The following NRG1 variants were observed in gnomAD, a reference collection of about 807,000 sequenced individuals.
The protein encoded by NRG1 is pro-neuregulin-1, membrane-bound isoform.
A neutral mutation model predicts 63.8 loss-of-function variants in NRG1; 18 were observed. That is an observed-to-expected ratio of 0.28 (90% CI 0.19 to 0.42). NRG1 has a LOEUF of 0.42. Among genes scored for constraint, NRG1 ranks in the 10% least tolerant of loss-of-function variants. NRG1 has a pLI of 1.00. For missense variants in NRG1, 762 were observed against 814.7 expected (o/e 0.94, Z 0.79); for synonymous variants, 302 against 301.3 (o/e 1.00, Z -0.02).
intron 1 of NRG1, among the ~76,000 whole-genome samples, chr8:32,041,245 T>TA (rs966115991): frequency 1.4e-4 from 22 of 152,150 alleles, no homozygotes; most frequent in African/African-American, 4.3e-4. Context: ...AAAGACAACT[T>TA]ACACACAACA....
At chr8:31,721,885 A>G (rs1386276716) in intron 1 of NRG1, among the ~76,000 whole-genome samples, 1 of 152,088 alleles carries the variant, frequency 6.6e-6, no homozygotes, top group African/African-American at 2.4e-5. Flanking sequence ...TCCTTGTTGT[A>G]TCATAATCCC....
chr8:31,967,585 G>T (rs1236802421), intron 1 of NRG1, among the ~76,000 whole-genome samples: 1 of 152,198 alleles, frequency 6.6e-6, no homozygotes, highest in Non-Finnish European at 1.5e-5. Context: ...ATTTGTTAAG[G>T]CTTAGCATGC....
chr8:32,310,100 C>T (rs894251678), intron 1 of NRG1, among the ~76,000 whole-genome samples: 1 of 152,158 alleles, frequency 6.6e-6, no homozygotes, highest in African/African-American at 2.4e-5. Context: ...CTATGAATCA[C>T]CATTTTCATG....
intron 1 of NRG1, among the ~76,000 whole-genome samples, chr8:32,517,347 A>C (rs1829926809): frequency 6.6e-6 from 1 of 152,136 alleles, no homozygotes; most frequent in Non-Finnish European, 1.5e-5. Context: ...TTTGTAATAA[A>C]GATTAGATTC....
intron 1 of NRG1, among the ~76,000 whole-genome samples, chr8:31,834,382 G>T (rs1303011360): frequency 2.0e-5 from 3 of 152,032 alleles, no homozygotes; most frequent in African/African-American, 7.2e-5. Context: ...CATAAAATCA[G>T]CCCTCTGGTC....
chr8:31,960,720 C>T (rs376416598), intron 1 of NRG1, among the ~76,000 whole-genome samples: 1 of 152,324 alleles, frequency 6.6e-6, no homozygotes, highest in Middle Eastern at 3.4e-3. Context: ...AGAATTGAAA[C>T]CTTTCCAGTA....
chr8:31,985,228 ATAGG>A (rs919511673), intron 1 of NRG1, among the ~76,000 whole-genome samples: 7 of 152,108 alleles, frequency 4.6e-5, no homozygotes, highest in African/African-American at 1.7e-4. Context: ...GGAGAGGTTA[ATAGG>A]TAGGGGAAAT....
At chr8:32,559,262 A>AAAAAAAAAAAAAAAAAAAAAAC (rs1835881567) in intron 1 of NRG1, among the ~76,000 whole-genome samples, 1 of 150,880 alleles carries the variant, frequency 6.6e-6, no homozygotes, top group Non-Finnish European at 1.5e-5. Flanking sequence ...AAAAAAAAAA[A>AAAAAAAAAAAAAAAAAAAAAAC]ATCACTACTC....
intron 3 of NRG1, among the ~76,000 whole-genome samples, chr8:32,606,830 C>T (rs16879616): frequency 0.03 from 4,558 of 152,058 alleles, 123 homozygotes; most frequent in African/African-American, 0.076. Context: ...TCAGCACAGG[C>T]AGAGTTAAAG....
intron 1 of NRG1, among the ~76,000 whole-genome samples, chr8:32,517,454 C>T (rs1469196240): frequency 6.6e-6 from 1 of 152,096 alleles, no homozygotes; most frequent in Non-Finnish European, 1.5e-5. Flanking sequence ...TTAGGTATCA[C>T]ATTTGAGAGG....
At chr8:32,536,901 C>T (rs1319556436) in intron 1 of NRG1, among the ~76,000 whole-genome samples, 5 of 101,134 alleles carry the variant, frequency 4.9e-5, no homozygotes, top group African/African-American at 1.6e-4. Context: ...CCAGCCTGGG[C>T]GATGGAGCAA....
chr8:32,526,664 G>T (rs970876378), intron 1 of NRG1, among the ~76,000 whole-genome samples: 11 of 152,098 alleles, frequency 7.2e-5, no homozygotes, highest in African/African-American at 2.7e-4. Flanking sequence ...TCCTGTCAAG[G>T]TCAAGTAGTG....
At chr8:32,581,277 G>A (rs1840580099) in intron 1 of NRG1, among the ~76,000 whole-genome samples, 1 of 152,180 alleles carries the variant, frequency 6.6e-6, no homozygotes, top group Non-Finnish European at 1.5e-5. Context: ...CTAGATACTA[G>A]CTGCATGCCA....
chr8:32,075,969 G>A (rs967769945), intron 1 of NRG1, among the ~76,000 whole-genome samples: 7 of 152,148 alleles, frequency 4.6e-5, no homozygotes, highest in East Asian at 3.9e-4. Flanking sequence ...CACCGCGCTC[G>A]GCCACATGTT....
intron 1 of NRG1, among the ~76,000 whole-genome samples, chr8:32,590,250 G>C (rs991651108): frequency 6.6e-6 from 1 of 152,158 alleles, no homozygotes; most frequent in Non-Finnish European, 1.5e-5. Context: ...TAAGGATGTG[G>C]ATATGTTTAT....
intron 1 of NRG1, among the ~76,000 whole-genome samples, chr8:31,942,457 C>G (rs1801894049): frequency 6.6e-6 from 1 of 151,930 alleles, no homozygotes; most frequent in African/African-American, 2.4e-5. Context: ...TCAGAAAAAC[C>G]CTTCTAGACA....
At chr8:32,509,935 C>T (rs1019443415) in intron 1 of NRG1, among the ~76,000 whole-genome samples, 9 of 152,034 alleles carry the variant, frequency 5.9e-5, no homozygotes, top group Non-Finnish European at 1.2e-4. Context: ...ACAATTATTG[C>T]TACAGGGAAG....
chr8:32,770,430 T>C (rs887029918), downstream of NRG1, among the ~76,000 whole-genome samples: 28 of 152,160 alleles, frequency 1.8e-4, no homozygotes, highest in African/African-American at 6.5e-4. Flanking sequence ...TTCTATTGCG[T>C]TCTTCCCCTT....
At chr8:31,798,103 G>A (rs1821411722) in intron 1 of NRG1, among the ~76,000 whole-genome samples, 1 of 152,056 alleles carries the variant, frequency 6.6e-6, no homozygotes, top group Non-Finnish European at 1.5e-5. Flanking sequence ...GTTGGTGCAG[G>A]GTTATAGCTG....
Sources: gnomAD v4.1 joint callset for allele counts (sites outside exome capture counted in the v4.1 genomes callset) on GRCh38, gnomAD v4.1.1 for gene constraint, MANE v1.5 for transcripts, NCBI Gene and HGNC (gene_info 2026-07-23, HGNC 2026-07-21) for gene names.